Variants in ACAD10 observed in about 807,000 individuals in gnomAD.
ACAD10 encodes the protein acyl-CoA dehydrogenase family member 10.
ACAD10 carries 112 observed loss-of-function variants against 116.8 expected under a neutral mutation model. The observed-to-expected ratio is 0.96, with a 90% CI of 0.82 to 1.12. The LOEUF (loss-of-function observed/expected upper bound fraction) is 1.12. Ranked by LOEUF, ACAD10 falls within the 50% of genes most tolerant of loss-of-function variation. The pLI is 0.00. For missense variants in ACAD10, 1,259 were observed against 1,350.2 expected (o/e 0.93, Z 1.06); for synonymous variants, 486 against 510.6 (o/e 0.95, Z 0.65).
At chr12:111,694,137 G>T (rs1796195614) in intron 2 of ACAD10, among the ~76,000 whole-genome samples, 1 of 152,188 alleles carries the variant, frequency 6.6e-6, no homozygotes, top group Admixed American at 6.5e-5. Flanking sequence ...TTCTATGCCT[G>T]CGTGTCTAGG....
intron 12 of ACAD10, among the ~76,000 whole-genome samples, chr12:111,742,282 G>A (rs1037130164): frequency 1.3e-5 from 2 of 152,122 alleles, no homozygotes; most frequent in African/African-American, 4.8e-5. Flanking sequence ...AAATCCTTAT[G>A]AATAATAAGG....
chr12:111,702,300 G>A lies in ACAD10; in HGVS notation c.326G>A (p.Cys109Tyr), dbSNP rs1888369502. 1 of 1,613,970 alleles carries A rather than the reference G, an allele frequency of 6.2e-7. No individual in the cohort carries two copies. The highest frequency in any genetic ancestry group is 8.5e-7 in the Non-Finnish European group (1 of 1,180,010). The part of the protein sequence containing the change: ...EGFLREFGRL[C>Y]SEMLKTSVPV... ...TTTTTACGAGAATTTGGGAGACTTT[G>A]CTCTGAAATGGTGAGTGGTAAACAT... The change falls in exon 3 of 21, where the codon TGC becomes TAC. Residue 109 changes from cysteine to tyrosine, a missense_variant. Cys to Tyr is a radical substitution (Grantham distance 194). Transcript: ENST00000313698.
At chr12:111,703,240 C>T (rs951897866) in intron 3 of ACAD10, among the ~76,000 whole-genome samples, 4 of 152,058 alleles carry the variant, frequency 2.6e-5, no homozygotes, top group African/African-American at 9.7e-5. Context: ...GTGCCCTTTC[C>T]AGGCCTGCCA....
chr12:111,691,568 G>A (rs1033775699), intron 1 of ACAD10, among the ~76,000 whole-genome samples: 4 of 151,824 alleles, frequency 2.6e-5, no homozygotes, highest in Non-Finnish European at 1.5e-5. Flanking sequence ...ATGAAAAAAT[G>A]GGGAGCTGCT....
chr12:111,730,650 G>T (rs1889359350), intron 10 of ACAD10, among the ~76,000 whole-genome samples: 1 of 151,996 alleles, frequency 6.6e-6, no homozygotes, highest in Admixed American at 6.6e-5. Flanking sequence ...TGCTTTTGAT[G>T]CAAGCATGCC....
intron 4 of ACAD10, among the ~76,000 whole-genome samples, chr12:111,708,999 A>C (rs905339741): frequency 1.3e-5 from 2 of 151,722 alleles, no homozygotes; most frequent in African/African-American, 4.8e-5. Context: ...TGAAATAAAC[A>C]CTAAGTTCGT....
chr12:111,714,774 A>G (rs1176482910), intron 6 of ACAD10, among the ~76,000 whole-genome samples: 2 of 150,976 alleles, frequency 1.3e-5, no homozygotes, highest in Admixed American at 6.6e-5. Context: ...GTGCAATGGC[A>G]TGATCTCAGC....
chr12:111,730,876 C>T (rs745533657), intron 10 of ACAD10, among the ~76,000 whole-genome samples: 7 of 152,012 alleles, frequency 4.6e-5, no homozygotes, highest in South Asian at 2.1e-4. Context: ...CCCAGCCTCC[C>T]GAGCAGCTGG....
At chr12:111,695,498 A>G (rs1475907011) in intron 2 of ACAD10, among the ~76,000 whole-genome samples, 1 of 151,958 alleles carries the variant, frequency 6.6e-6, no homozygotes, top group African/African-American at 2.4e-5. Context: ...GGATATGTTC[A>G]TGTCTCCTCT....
In ACAD10 at chr12:111,692,870, T is replaced by G. The variant is rs143590291; in HGVS notation, c.161T>G (p.Ile54Ser). 4.6e-5 allele frequency: 75 copies of G among 1,614,162 alleles called. No individual in the cohort carries two copies. The African/African-American group carries it at 6.5e-4, about 14-fold the overall frequency. The change falls in exon 2 of 21, where the codon ATT (isoleucine) becomes AGT (serine). Residue 54 changes from isoleucine to serine, a missense_variant. Transcript: ENST00000313698. ...AVIFDMGGVLIPSPGRVAAEW... is the reference protein window; with the variant it reads ...AVIFDMGGVLSPSPGRVAAEW... ...ATTTTCGACATGGGCGGAGTTCTCA[T>G]TCCTTCTCCAGGGAGAGTCGCTGCA...
chr12:111,740,103 G>A (rs1366691467), intron 12 of ACAD10, among the ~76,000 whole-genome samples: 7 of 152,144 alleles, frequency 4.6e-5, no homozygotes, highest in African/African-American at 7.2e-5. Context: ...CGATCATTGC[G>A]GAAGGCGAGC....
intron 19 of ACAD10, among the ~76,000 whole-genome samples, chr12:111,754,317 C>T (rs769157476): frequency 3.3e-5 from 5 of 152,114 alleles, no homozygotes; most frequent in South Asian, 2.1e-4. Flanking sequence ...CTCTTTTTAA[C>T]CTTTTATTTA....
At chr12:111,708,292 G>A (rs1888568831) in intron 4 of ACAD10, among the ~76,000 whole-genome samples, 1 of 152,026 alleles carries the variant, frequency 6.6e-6, no homozygotes, top group Admixed American at 6.6e-5. Context: ...CTAGTGAGAG[G>A]AGCCGAATGC....
At chr12:111,690,780 C>CAAAAAAAAAAAAAA (rs540935938) in intron 1 of ACAD10, among the ~76,000 whole-genome samples, 1 of 63,538 alleles carries the variant, frequency 1.6e-5, no homozygotes, top group African/African-American at 5.2e-5. Context: ...GTGAGACTCT[C>CAAAAAAAAAAAAAA]AAAAAAAAAA....
intron 3 of ACAD10, among the ~76,000 whole-genome samples, chr12:111,703,645 C>T (rs887596043): frequency 6.6e-6 from 1 of 151,900 alleles, no homozygotes; most frequent in Non-Finnish European, 1.5e-5. Context: ...CAAGACAAGC[C>T]CGGCCAACAT....
chr12:111,723,930 G>A (rs377020475), intron 8 of ACAD10, among the ~76,000 whole-genome samples: 1 of 149,844 alleles, frequency 6.7e-6, no homozygotes, highest in African/African-American at 2.5e-5. Context: ...GGGCAGAGGC[G>A]CTCCTCACAT....
rs1889547044 is a variant in ACAD10 at position 111,735,978 on chromosome 12, C to T, written c.1541-853C>T. Among the ~76,000 whole-genome samples, 3 of 151,984 alleles carry T rather than the reference C, an allele frequency of 2.0e-5. No homozygotes were observed. The South Asian group carries it at 6.2e-4, about 32-fold the overall frequency. On this transcript the variant is annotated intron_variant, in intron 11 of 20. Transcript: ENST00000313698. Reference sequence around the variant, plus strand: ...CACTGCAACCTCTGCCTCCCGGGTTCAAGCGATTCTCCGGCCTCGGCCTCC... The same window carrying T: ...CACTGCAACCTCTGCCTCCCGGGTTTAAGCGATTCTCCGGCCTCGGCCTCC...
intron 1 of ACAD10, among the ~76,000 whole-genome samples, chr12:111,691,687 C>T (rs529344465): frequency 6.6e-6 from 1 of 151,054 alleles, no homozygotes; most frequent in African/African-American, 2.4e-5. Context: ...CCTCTGCCTC[C>T]CAAGTTCAAG....
At chr12:111,701,585 T>C (rs1888351298) in intron 2 of ACAD10, among the ~76,000 whole-genome samples, 1 of 152,182 alleles carries the variant, frequency 6.6e-6, no homozygotes, top group Non-Finnish European at 1.5e-5. Flanking sequence ...GAATCAGTTG[T>C]ACCTGTGAGG....
Sources: allele counts gnomAD v4.1 joint callset (sites outside exome capture counted in the v4.1 genomes callset), GRCh38; gene constraint gnomAD v4.1.1; transcripts MANE v1.5; gene names NCBI Gene and HGNC (gene_info 2026-07-23, HGNC 2026-07-21).